ZNF521: variants seen among roughly 807,000 people sequenced by gnomAD.
ZNF521 encodes zinc finger protein 521.
Under a neutral mutation model 105.5 loss-of-function variants are expected in ZNF521, and 14 were observed. That is an observed-to-expected ratio of 0.13 (90% CI 0.09 to 0.21). The LOEUF (loss-of-function observed/expected upper bound fraction) is 0.21. Ranked by LOEUF, ZNF521 falls within the 10% of genes least tolerant of loss-of-function variation. The pLI, the probability that ZNF521 is intolerant of heterozygous loss-of-function variation, is 1.00. For missense variants in ZNF521, 1,233 were observed against 1,629.7 expected, an observed-to-expected ratio of 0.76 and a Z score of 4.19; for synonymous variants, 635 against 606.0, an observed-to-expected ratio of 1.05 and a Z score of -0.70.
chr18:25,330,277 C>T (rs905851969), intron 2 of ZNF521, among the ~76,000 whole-genome samples: 1 of 152,072 alleles, frequency 6.6e-6, no homozygotes, highest in African/African-American at 2.4e-5. Flanking sequence ...GATTCTCCTG[C>T]CTCAGCCTCT....
intron 5 of ZNF521, among the ~76,000 whole-genome samples, chr18:25,154,273 T>C (rs914350968): frequency 6.6e-6 from 1 of 152,204 alleles, no homozygotes; most frequent in African/African-American, 2.4e-5. Flanking sequence ...GGCCCGAAGC[T>C]GCTAATCTCT....
intron 5 of ZNF521, among the ~76,000 whole-genome samples, chr18:25,180,926 T>C (rs1174167859): frequency 2.0e-5 from 3 of 152,198 alleles, no homozygotes; most frequent in Non-Finnish European, 4.4e-5. Flanking sequence ...CCTGAATTCG[T>C]GGTACTCATT....
chr18:25,280,105 C>T (rs1283788987), intron 3 of ZNF521, among the ~76,000 whole-genome samples: 2 of 152,242 alleles, frequency 1.3e-5, no homozygotes, highest in African/African-American at 4.8e-5. Context: ...ACGTCACACT[C>T]CATGCTCCTC....
At chr18:25,205,815 A>G (rs1305568970) in intron 4 of ZNF521, among the ~76,000 whole-genome samples, 1 of 152,194 alleles carries the variant, frequency 6.6e-6, no homozygotes, top group Non-Finnish European at 1.5e-5. Context: ...ACTTGATATC[A>G]TTTAATAAAA....
intron 4 of ZNF521, among the ~76,000 whole-genome samples, chr18:25,218,512 C>A (rs970748137): frequency 7.0e-6 from 1 of 142,648 alleles, no homozygotes; most frequent in Non-Finnish European, 1.5e-5. Context: ...AAAAAATTAG[C>A]TGGACATGTG....
At chr18:25,187,810 C>T (rs925067477) in intron 5 of ZNF521, among the ~76,000 whole-genome samples, 4 of 152,114 alleles carry the variant, frequency 2.6e-5, no homozygotes, top group African/African-American at 7.2e-5. Context: ...GCTTGAAAAT[C>T]GTACCATCTA....
intron 5 of ZNF521, among the ~76,000 whole-genome samples, chr18:25,170,431 G>A (rs957561549): frequency 3.9e-5 from 6 of 152,026 alleles, no homozygotes; most frequent in African/African-American, 1.4e-4. Context: ...TTGTCCTTCC[G>A]TAGAGCCAGA....
At position 25,100,500 on chromosome 18, in the gene ZNF521, T is replaced by C. The variant is rs146918658; in HGVS notation, c.3659-8419A>G. On this transcript the variant is annotated intron_variant, in intron 5 of 7. Coordinates refer to ENST00000361524, the MANE Select transcript of ZNF521 (RefSeq NM_015461.3). ...ATATCTGCAATGGCACATGGGGGTG[T>C]TAAGGGGGCCAAAATCTCTCTAATT... is the stretch of plus-strand genomic sequence containing the variant. 8.1e-4 allele frequency among the ~76,000 whole-genome samples: 121 copies of C among 149,634 alleles called. No homozygotes were observed. In the East Asian group the frequency reaches 0.019, roughly 24 times the overall value.
chr18:25,263,524 A>C (rs1909054991), intron 3 of ZNF521, among the ~76,000 whole-genome samples: 1 of 151,810 alleles, frequency 6.6e-6, no homozygotes, highest in African/African-American at 2.4e-5. Context: ...CGCCCAGCTA[A>C]TTTTTGTATT....
intron 5 of ZNF521, among the ~76,000 whole-genome samples, chr18:25,142,908 A>G (rs184587790): frequency 2.0e-5 from 3 of 152,276 alleles, no homozygotes. Context: ...TTTAAAAGCA[A>G]TTTTAATGAA....
chr18:25,184,082 T>C (rs563264875), intron 5 of ZNF521, among the ~76,000 whole-genome samples: 7 of 152,158 alleles, frequency 4.6e-5, no homozygotes, highest in East Asian at 1.9e-4. Flanking sequence ...GGAAATAATA[T>C]CTCAAAAAAC....
intron 3 of ZNF521, among the ~76,000 whole-genome samples, chr18:25,270,680 T>G (rs1453222534): frequency 6.6e-6 from 1 of 152,096 alleles, no homozygotes. Context: ...AAAAACCACA[T>G]GATTATCTCA....
At chr18:25,162,165 C>G (rs1471730018) in intron 5 of ZNF521, among the ~76,000 whole-genome samples, 2 of 152,094 alleles carry the variant, frequency 1.3e-5, no homozygotes, top group Non-Finnish European at 2.9e-5. Flanking sequence ...GTGTTCCAAC[C>G]TGAAATCAAA....
chr18:25,219,096 T>C (rs1905527388), intron 4 of ZNF521, among the ~76,000 whole-genome samples: 1 of 152,224 alleles, frequency 6.6e-6, no homozygotes, highest in Non-Finnish European at 1.5e-5. Flanking sequence ...TTCTTTTCTC[T>C]GGTTTACTTT....
intron 5 of ZNF521, among the ~76,000 whole-genome samples, chr18:25,098,286 A>G (rs1352784779): frequency 1.3e-5 from 2 of 152,184 alleles, no homozygotes; most frequent in Non-Finnish European, 2.9e-5. Flanking sequence ...ATAAGCACAC[A>G]GACTACAATG....
At chr18:25,174,770 C>G (rs1192575247) in intron 5 of ZNF521, among the ~76,000 whole-genome samples, 1 of 152,092 alleles carries the variant, frequency 6.6e-6, no homozygotes, top group Admixed American at 6.5e-5. Context: ...TGCTCTGACC[C>G]CCATGCAAAT....
chr18:25,277,658 T>G (rs1295668003), intron 3 of ZNF521, among the ~76,000 whole-genome samples: 1 of 152,206 alleles, frequency 6.6e-6, no homozygotes, highest in Non-Finnish European at 1.5e-5. Flanking sequence ...TTTCACTAAG[T>G]TATTTAGTTT....
At chr18:25,327,753 A>C (rs1913312701) in intron 2 of ZNF521, 2 of 509,640 alleles carry the variant, frequency 3.9e-6, no homozygotes, top group Non-Finnish European at 3.9e-6. Flanking sequence ...AATGGCAAGC[A>C]GACTCTAATG....
chr18:25,068,508 A>T lies in ZNF521; in HGVS notation c.3907-5767T>A, dbSNP rs557008295. On this transcript the variant is annotated intron_variant, in intron 7 of 7. Coordinates refer to ENST00000361524, the MANE Select transcript of ZNF521 (RefSeq NM_015461.3). ...GCACTATTGCTTTTTTTCATTTTTAATTTTTTTTTTTAAACAAAAGCAATT... is the reference window on the plus strand; with the variant it reads ...GCACTATTGCTTTTTTTCATTTTTATTTTTTTTTTTTAAACAAAAGCAATT... Among the ~76,000 whole-genome samples, 137 of 149,802 alleles carry T rather than the reference A, an allele frequency of 9.1e-4. 1 individual carries two copies. In the South Asian group the frequency reaches 9.4e-3, roughly 10 times the overall value.
Sources: gnomAD v4.1 joint callset for allele counts (sites outside exome capture counted in the v4.1 genomes callset) on GRCh38, gnomAD v4.1.1 for gene constraint, MANE v1.5 for transcripts, NCBI Gene and HGNC (gene_info 2026-07-23, HGNC 2026-07-21) for gene names.